TRPM6: variants seen among roughly 807,000 people sequenced by gnomAD.
TRPM6 encodes the protein transient receptor potential cation channel subfamily M member 6.
A neutral mutation model predicts 247.6 loss-of-function variants in TRPM6; 111 were observed. That is an observed-to-expected ratio of 0.45 (90% CI 0.38 to 0.52). The LOEUF is 0.52. Ranked by LOEUF, TRPM6 falls within the 20% of genes least tolerant of loss-of-function variation. The pLI is 0.00. For missense variants in TRPM6, 2,126 were observed against 2,421.5 expected (o/e 0.88, Z 2.56); for synonymous variants, 892 against 853.8 (o/e 1.04, Z -0.78).
intron 7 of TRPM6, among the ~76,000 whole-genome samples, chr9:74,823,818 T>C (rs1034390906): frequency 7.9e-5 from 12 of 152,176 alleles, no homozygotes; most frequent in Non-Finnish European, 1.6e-4. Flanking sequence ...TTATACTCAT[T>C]GACATGGAAA....
At chr9:74,837,118 A>G (rs1303910910) in intron 5 of TRPM6, among the ~76,000 whole-genome samples, 2 of 152,226 alleles carry the variant, frequency 1.3e-5, no homozygotes, top group Non-Finnish European at 2.9e-5. Flanking sequence ...TGCTTTTCAC[A>G]TAGTAGATTC....
At chr9:74,809,353 A>C (rs1308078190) in intron 13 of TRPM6, among the ~76,000 whole-genome samples, 1 of 152,198 alleles carries the variant, frequency 6.6e-6, no homozygotes, top group Admixed American at 6.5e-5. Flanking sequence ...ATTTATAGTA[A>C]ATTTTTAAAG....
At chr9:74,807,740 C>A (rs1206401841) in intron 14 of TRPM6, among the ~76,000 whole-genome samples, 1 of 152,114 alleles carries the variant, frequency 6.6e-6, no homozygotes, top group Non-Finnish European at 1.5e-5. Context: ...CTCCCTCTAA[C>A]CTGCCTCATC....
intron 3 of TRPM6, 133 bp from the exon 4 acceptor site, chr9:74,842,476 T>A: frequency 2.2e-6 from 2 of 928,674 alleles, no homozygotes; most frequent in South Asian, 2.9e-5. Context: ...TATATTAAAT[T>A]TCTAACATAG....
chr9:74,853,807 T>C (rs1469589416), intron 3 of TRPM6, among the ~76,000 whole-genome samples: 2 of 152,096 alleles, frequency 1.3e-5, no homozygotes, highest in African/African-American at 4.8e-5. Flanking sequence ...TATTGTCCTA[T>C]GACCCTGCCA....
chr9:74,803,980 CAA>C (rs1405642069), intron 14 of TRPM6, 94 bp from the exon 15 acceptor site: 1 of 820,510 alleles, frequency 1.2e-6, no homozygotes, highest in African/African-American at 1.7e-5. Context: ...ATAGTGGTAA[CAA>C]TATTTTATTT....
chr9:74,814,658 T>C (rs113167626), intron 11 of TRPM6, among the ~76,000 whole-genome samples: 1,694 of 152,176 alleles, frequency 0.011, 37 homozygotes, highest in African/African-American at 0.039. Flanking sequence ...AAAAGCTTCA[T>C]AGAAGGCTTG....
intron 23 of TRPM6, among the ~76,000 whole-genome samples, chr9:74,781,911 T>C (rs1827474147): frequency 1.3e-5 from 2 of 152,228 alleles, no homozygotes; most frequent in South Asian, 4.1e-4. Flanking sequence ...AGGATGATCG[T>C]GTCTGTGCTG....
Position 74,762,836 on chromosome 9 carries a change from G to A in TRPM6, c.3835C>T (p.Pro1279Ser). 6.2e-7 allele frequency: 1 copy of A among 1,614,066 alleles called. No individual in the cohort carries two copies. Among genetic ancestry groups the A allele is most frequent in the Non-Finnish European group, 8.5e-7 (1 of 1,180,010 alleles). ...GCCAGGCTCCTCAGCAAAGAAGAGGGCATGCTATAATACTGGTATTTCTTC... is the reference window on the plus strand; with the variant it reads ...GCCAGGCTCCTCAGCAAAGAAGAGGACATGCTATAATACTGGTATTTCTTC... ...GEKKYQYYSM[P>S]SSLLRSLAGG... is the part of the protein sequence containing the mutation. The change falls in exon 26 of 39, where the codon CCC (proline) becomes TCC (serine). Residue 1279 changes from proline (P) to serine (S), a missense_variant. By Grantham distance (74) the Pro-to-Ser change is moderately conservative. Coordinates refer to ENST00000360774, the MANE Select transcript of TRPM6 (RefSeq NM_017662.5).
intron 30 of TRPM6, among the ~76,000 whole-genome samples, chr9:74,748,848 A>G (rs929164154): frequency 6.6e-6 from 1 of 152,194 alleles, no homozygotes. Context: ...GTGTACACAT[A>G]AAGTCTCCGC....
chr9:74,830,341 C>T (rs115557970), intron 6 of TRPM6, among the ~76,000 whole-genome samples: 2,028 of 150,852 alleles, frequency 0.013, 59 homozygotes, highest in African/African-American at 0.047. Context: ...ATCCACATAC[C>T]CCATTGAAAA....
At chr9:74,749,126 G>T (rs1290550039) in intron 30 of TRPM6, among the ~76,000 whole-genome samples, 1 of 152,166 alleles carries the variant, frequency 6.6e-6, no homozygotes, top group Non-Finnish European at 1.5e-5. Context: ...TAGGTGTGTA[G>T]TAGGTTAGAC....
chr9:74,833,411 T>C (rs1294947653), intron 6 of TRPM6, among the ~76,000 whole-genome samples: 3 of 152,078 alleles, frequency 2.0e-5, no homozygotes, highest in African/African-American at 7.2e-5. Flanking sequence ...TGAAGCAGAG[T>C]AATACAAGAT....
intron 18 of TRPM6, 141 bp downstream of exon 18, chr9:74,796,600 G>T (rs1409614313): frequency 5.0e-6 from 4 of 798,106 alleles, no homozygotes; most frequent in Non-Finnish European, 8.5e-6. Flanking sequence ...TGTACCCCAG[G>T]ACCATATGTC....
At chr9:74,764,950 A>G (rs1456950360) in intron 25 of TRPM6, among the ~76,000 whole-genome samples, 2 of 152,212 alleles carry the variant, frequency 1.3e-5, no homozygotes, top group Non-Finnish European at 2.9e-5. Context: ...ATGTAATCAG[A>G]GATGAAAATT....
chr9:74,817,376 GAC>G (rs1463180600), intron 9 of TRPM6, among the ~76,000 whole-genome samples: 1 of 151,960 alleles, frequency 6.6e-6, no homozygotes, highest in African/African-American at 2.4e-5. Context: ...TTTTTGTAGA[GAC>G]AAGGTCTCAC....
At chr9:74,875,161 T>C (rs2118486119) in intron 1 of TRPM6, 1 of 420,614 alleles carries the variant, frequency 2.4e-6, no homozygotes, top group Non-Finnish European at 4.9e-6. Context: ...ACCACCATCA[T>C]CATCTGCAGG....
chr9:74,726,448 T>C (rs569132029), intron 38 of TRPM6, among the ~76,000 whole-genome samples: 1 of 152,248 alleles, frequency 6.6e-6, no homozygotes, highest in South Asian at 2.1e-4. Flanking sequence ...AGACGGAGGT[T>C]GCAGTGAGCC....
rs763398086 is a variant in TRPM6 at position 74,887,908 on chromosome 9, G to C, written c.-52C>G. On this transcript the variant is annotated 5_prime_UTR_variant, in exon 1 of 39. Coordinates refer to ENST00000360774, the MANE Select transcript of TRPM6 (RefSeq NM_017662.5). ...AGCCCTGTCTGAGCTTTTAACTGTG[G>C]AGGCAGAAACTCTGGGCTCCACCTC... 2.2e-5 allele frequency: 36 copies of C among 1,611,822 alleles called. No individual in the cohort carries two copies. In the East Asian group the frequency reaches 4.9e-4, roughly 22 times the overall value.
Sources: gnomAD v4.1 joint callset for allele counts (sites outside exome capture counted in the v4.1 genomes callset) on GRCh38, gnomAD v4.1.1 for gene constraint, MANE v1.5 for transcripts, NCBI Gene and HGNC (gene_info 2026-07-23, HGNC 2026-07-21) for gene names.